Variants in TRAPPC9 observed in about 807,000 individuals in gnomAD.
TRAPPC9 encodes the protein trafficking protein particle complex subunit 9.
Under a neutral mutation model 124.0 loss-of-function variants are expected in TRAPPC9, and 83 were observed. The observed-to-expected ratio is 0.67, with a 90% confidence interval of 0.56 to 0.80. The LOEUF is 0.80. Ranked by LOEUF, TRAPPC9 falls within the 30% of genes least tolerant of loss-of-function variation. TRAPPC9 has a pLI of 0.00. For synonymous variants in TRAPPC9, 638 were observed against 617.5 expected, an observed-to-expected ratio of 1.03 and a Z score of -0.49; for missense variants, 1,302 against 1,508.3, an observed-to-expected ratio of 0.86 and a Z score of 2.27.
chr8:139,786,210 AC>A (rs1822234996), intron 21 of TRAPPC9, among the ~76,000 whole-genome samples: 1 of 152,226 alleles, frequency 6.6e-6, no homozygotes, highest in African/African-American at 2.4e-5. Flanking sequence ...TCTGTCTCAA[AC>A]AAACAAACAA....
At chr8:140,277,257 C>A (rs1268229080) in intron 14 of TRAPPC9, among the ~76,000 whole-genome samples, 1 of 152,240 alleles carries the variant, frequency 6.6e-6, no homozygotes, top group Non-Finnish European at 1.5e-5. Context: ...GATAGAGGAG[C>A]TTCTGCATCC....
In TRAPPC9 at chr8:140,075,711, G is replaced by C. The variant is rs560092691; in HGVS notation, c.2557-51632C>G. Among the ~76,000 whole-genome samples the C allele has an allele frequency of 2.0e-5, 3 of 152,346 alleles. No individual in the cohort carries two copies. The South Asian group carries it at 6.2e-4, about 32-fold the overall frequency. On this transcript the variant is annotated intron_variant, in intron 17 of 22. Transcript: ENST00000438773. ...ATAACCACTTTTCCATAGGAGAAAAGAAGAGGCTGCCAAGTGTTCGGATGC... is the reference window on the plus strand; with the variant it reads ...ATAACCACTTTTCCATAGGAGAAAACAAGAGGCTGCCAAGTGTTCGGATGC...
At chr8:140,377,093 C>A (rs747621137) in intron 7 of TRAPPC9, among the ~76,000 whole-genome samples, 1 of 152,122 alleles carries the variant, frequency 6.6e-6, no homozygotes, top group African/African-American at 2.4e-5. Flanking sequence ...CGCGCTTGAC[C>A]CCTGATCACC....
At chr8:140,209,166 G>C (rs1412526283) in intron 17 of TRAPPC9, among the ~76,000 whole-genome samples, 1 of 152,194 alleles carries the variant, frequency 6.6e-6, no homozygotes, top group Non-Finnish European at 1.5e-5. Context: ...CTCTGCAGAC[G>C]ATCCGCCTAA....
At chr8:139,912,642 C>T (rs561288398) in intron 19 of TRAPPC9, among the ~76,000 whole-genome samples, 5 of 152,270 alleles carry the variant, frequency 3.3e-5, no homozygotes, top group African/African-American at 1.2e-4. Context: ...CCAATACTGG[C>T]GATGATCAGT....
At chr8:139,817,656 G>A (rs1468646421) in intron 21 of TRAPPC9, among the ~76,000 whole-genome samples, 1 of 152,258 alleles carries the variant, frequency 6.6e-6, no homozygotes, top group Non-Finnish European at 1.5e-5. Context: ...GCCCATGGCT[G>A]CTGCTCACCG....
intron 17 of TRAPPC9, among the ~76,000 whole-genome samples, chr8:140,195,831 T>C (rs1454685066): frequency 1.3e-5 from 2 of 148,976 alleles, no homozygotes; most frequent in African/African-American, 2.5e-5. Flanking sequence ...AAACACTCAA[T>C]GATCCACCAT....
intron 17 of TRAPPC9, among the ~76,000 whole-genome samples, chr8:140,069,488 C>G (rs1843035010): frequency 6.6e-6 from 1 of 152,194 alleles, no homozygotes. Flanking sequence ...GGCGGTCCCT[C>G]TGGGCCCTGT....
At chr8:140,352,172 T>C (rs78084687) in intron 9 of TRAPPC9, among the ~76,000 whole-genome samples, 2,058 of 152,346 alleles carry the variant, frequency 0.014, 19 homozygotes, top group Non-Finnish European at 0.023. Flanking sequence ...TTTTAAAGGA[T>C]CATCCACACC....
chr8:139,924,789 C>T (rs1201983545), intron 19 of TRAPPC9, among the ~76,000 whole-genome samples: 2 of 152,220 alleles, frequency 1.3e-5, no homozygotes, highest in Non-Finnish European at 1.5e-5. Flanking sequence ...ACCTCCTTCG[C>T]TCCTGGACCG....
At chr8:139,965,789 C>CAAGGGGAAATACA (rs1835667156) in intron 19 of TRAPPC9, among the ~76,000 whole-genome samples, 8 of 152,204 alleles carry the variant, frequency 5.3e-5, no homozygotes, top group Non-Finnish European at 8.8e-5. Context: ...CCATGTTGAG[C>CAAGGGGAAATACA]AGAGTTGGCT....
At chr8:140,442,898 G>A (rs890367243) in intron 2 of TRAPPC9, among the ~76,000 whole-genome samples, 1 of 151,990 alleles carries the variant, frequency 6.6e-6, no homozygotes, top group Admixed American at 6.6e-5. Flanking sequence ...ACTATGGGAG[G>A]CCGAGGCAGG....
intron 15 of TRAPPC9, among the ~76,000 whole-genome samples, chr8:140,258,497 T>A (rs2131540329): frequency 6.6e-6 from 1 of 152,358 alleles, no homozygotes; most frequent in East Asian, 1.9e-4. Flanking sequence ...TTTCCTGATC[T>A]CTCACCTAAA....
intron 7 of TRAPPC9, among the ~76,000 whole-genome samples, chr8:140,385,556 A>G (rs1261729309): frequency 6.6e-6 from 1 of 152,230 alleles, no homozygotes; most frequent in Non-Finnish European, 1.5e-5. Flanking sequence ...CAAATAAACT[A>G]GAAAATCTAG....
intron 17 of TRAPPC9, among the ~76,000 whole-genome samples, chr8:140,101,985 T>G (rs986061047): frequency 6.6e-6 from 1 of 152,218 alleles, no homozygotes; most frequent in African/African-American, 2.4e-5. Context: ...ATTTAGAATG[T>G]CTTATCCCAG....
At chr8:140,122,950 T>C (rs982941944) in intron 17 of TRAPPC9, among the ~76,000 whole-genome samples, 1 of 152,258 alleles carries the variant, frequency 6.6e-6, no homozygotes, top group African/African-American at 2.4e-5. Flanking sequence ...TAATGTTTGC[T>C]GGATGTGCAC....
chr8:140,159,317 G>C (rs796204249), intron 17 of TRAPPC9, among the ~76,000 whole-genome samples: 22 of 152,150 alleles, frequency 1.4e-4, no homozygotes, highest in African/African-American at 5.3e-4. Flanking sequence ...CTTTCTTCCA[G>C]TCATGGATTT....
intron 20 of TRAPPC9, among the ~76,000 whole-genome samples, chr8:139,888,057 C>T (rs1211821890): frequency 6.6e-6 from 1 of 152,186 alleles, no homozygotes. Context: ...TGCTCAGGGT[C>T]TTCTTGCTCC....
In TRAPPC9 at chr8:140,249,609, T is replaced by C. The variant is rs1033943202; in HGVS notation, c.2431+3168A>G. ...ATCATCTTTCACTCTTTTTTTTTTT[T>C]TTTTTTTTTTTTGAGATGGAGTCTC... On this transcript the variant is annotated intron_variant, in intron 16 of 22. Coordinates refer to ENST00000438773, the MANE Select transcript of TRAPPC9 (RefSeq NM_001160372.4). Among the ~76,000 whole-genome samples, 373 of 139,602 alleles carry C rather than the reference T, an allele frequency of 2.7e-3. 1 individual carries two copies. The highest frequency in any genetic ancestry group is 9.2e-3 in the African/African-American group (342 of 37,052). The allele number at this position is 139,602 out of a possible 152,430, so 91.6% of individuals were successfully genotyped here.
Sources: gnomAD v4.1 joint callset for allele counts (sites outside exome capture counted in the v4.1 genomes callset) on GRCh38, gnomAD v4.1.1 for gene constraint, MANE v1.5 for transcripts, NCBI Gene and HGNC (gene_info 2026-07-23, HGNC 2026-07-21) for gene names.